DPP6: variants seen among roughly 807,000 people sequenced by gnomAD.
The protein encoded by DPP6 is A-type potassium channel modulatory protein DPP6.
DPP6 carries 69 observed loss-of-function variants against 122.6 expected under a neutral mutation model. That is an observed-to-expected ratio of 0.56 (90% CI 0.46 to 0.69). The LOEUF is 0.69. Ranked by LOEUF, DPP6 falls within the 30% of genes least tolerant of loss-of-function variation. The pLI is 0.00. For missense variants in DPP6, 928 were observed against 1,116.9 expected, an observed-to-expected ratio of 0.83 and a Z score of 2.41; for synonymous variants, 418 against 433.1, an observed-to-expected ratio of 0.97 and a Z score of 0.43.
At chr7:154,734,453 G>A (rs987446582) in intron 8 of DPP6, among the ~76,000 whole-genome samples, 7 of 152,122 alleles carry the variant, frequency 4.6e-5, no homozygotes, top group Non-Finnish European at 7.4e-5. Flanking sequence ...AGATCAAAGT[G>A]GATTTTTACA....
intron 1 of DPP6, chr7:154,026,818 G>A (rs1216130018): frequency 1.3e-5 from 2 of 152,176 alleles, no homozygotes; most frequent in Non-Finnish European, 1.5e-5. Context: ...AGTGGTTCTA[G>A]CCTTTCTGTA....
chr7:154,433,136 G>GTTTTTTTTTTTT lies in DPP6; in HGVS notation c.244-13062_244-13051dup, dbSNP rs548053204. On this transcript the variant is annotated intron_variant, in intron 1 of 25. Transcript: ENST00000377770. Reference sequence around the variant, plus strand: ...TAATGGCTCTCATACTAGACTGCAAGTTTTTTTTTTTTTTTTTTTTTTTTT... The same window carrying GTTTTTTTTTTTT: ...TAATGGCTCTCATACTAGACTGCAAGTTTTTTTTTTTTTTTTTTTTTTTTTTTTTTTTTTTTT... 1.1e-3 allele frequency among the ~76,000 whole-genome samples: 83 copies of GTTTTTTTTTTTT among 72,346 alleles called. 12 individuals carry two copies. Among genetic ancestry groups the GTTTTTTTTTTTT allele is most frequent in the African/African-American group, 4.6e-3 (77 of 16,824 alleles). 47.5% of individuals were successfully genotyped at this position (72,346 alleles called of 152,430 possible).
At chr7:153,935,470 G>C (rs1801390660) in intron 1 of DPP6, among the ~76,000 whole-genome samples, 1 of 152,194 alleles carries the variant, frequency 6.6e-6, no homozygotes, top group African/African-American at 2.4e-5. Flanking sequence ...CTGCCGCACA[G>C]AGTGGAACCT....
chr7:154,743,944 C>A (rs1046545117), intron 8 of DPP6, among the ~76,000 whole-genome samples: 3 of 152,160 alleles, frequency 2.0e-5, no homozygotes, highest in Non-Finnish European at 4.4e-5. Context: ...ATAAGTCGAC[C>A]CACGCAGTTC....
chr7:153,845,395 TATA>T, the DPP6 span, among the ~76,000 whole-genome samples: 2 of 152,028 alleles, frequency 1.3e-5, no homozygotes, highest in African/African-American at 2.4e-5. Flanking sequence ...AATATACTGC[TATA>T]ATAACTCTTT....
chr7:154,889,305 G>A lies in DPP6; in HGVS notation c.2338G>A (p.Glu780Lys). Residue 780 changes from glutamate to lysine, a missense_variant, in exon 24 of 26, where the codon GAA becomes AAA. Transcript: ENST00000377770. Reference protein sequence around the residue: ...TKVAHRVSALEEQQFLIIHPT... With the variant: ...TKVAHRVSALKEQQFLIIHPT... ...GGTAGCCCATCGAGTCTCCGCGCTG[G>A]AAGAACAGCAGTTCCTGATCATTCA... 2 of 1,612,980 alleles carry A rather than the reference G, an allele frequency of 1.2e-6. No homozygotes were observed. The highest frequency in any genetic ancestry group is 1.7e-6 in the Non-Finnish European group (2 of 1,179,712).
At chr7:154,556,426 A>G (rs1244531267) in intron 4 of DPP6, among the ~76,000 whole-genome samples, 1 of 152,208 alleles carries the variant, frequency 6.6e-6, no homozygotes, top group East Asian at 1.9e-4. Flanking sequence ...ATAAACAAGT[A>G]TTTGACATGA....
At chr7:154,132,587 G>T (rs1399743053) in intron 1 of DPP6, among the ~76,000 whole-genome samples, 8 of 152,004 alleles carry the variant, frequency 5.3e-5, no homozygotes, top group Admixed American at 1.3e-4. Flanking sequence ...CCTCATTTCG[G>T]TTCAGTAGTC....
intron 5 of DPP6, chr7:154,588,054 G>T (rs745849297): frequency 1.2e-6 from 2 of 1,608,606 alleles, no homozygotes; most frequent in Admixed American, 3.3e-5. Context: ...GCAGCTACAG[G>T]CAGATTTCGG....
intron 1 of DPP6, among the ~76,000 whole-genome samples, chr7:153,913,840 G>T (rs575016622): frequency 6.6e-6 from 1 of 152,288 alleles, no homozygotes; most frequent in South Asian, 2.1e-4. Flanking sequence ...GGGCTTGGCT[G>T]GTGCTGGATG....
chr7:154,649,593 G>C (rs552144947), intron 6 of DPP6, among the ~76,000 whole-genome samples: 1 of 152,296 alleles, frequency 6.6e-6, no homozygotes, highest in Non-Finnish European at 1.5e-5. Context: ...CCCTGGGGGT[G>C]GTTCCACCTG....
chr7:153,968,078 G>A (rs1795847346), intron 1 of DPP6, among the ~76,000 whole-genome samples: 1 of 150,110 alleles, frequency 6.7e-6, no homozygotes. Flanking sequence ...TATATACCCA[G>A]TAGTGGGATT....
At chr7:153,973,469 G>A (rs1796127936) in intron 1 of DPP6, among the ~76,000 whole-genome samples, 1 of 152,130 alleles carries the variant, frequency 6.6e-6, no homozygotes, top group Non-Finnish European at 1.5e-5. Flanking sequence ...CAAGATTGGG[G>A]AGGAATTCCT....
chr7:154,821,628 G>GTATATATATATA lies in DPP6; in HGVS notation c.1666+14523_1666+14534dup, dbSNP rs71184038. Among the ~76,000 whole-genome samples, 164 of 68,370 alleles carry GTATATATATATA rather than the reference G, an allele frequency of 2.4e-3. No homozygotes were observed. The highest frequency in any genetic ancestry group is 7.9e-3 in the African/African-American group (146 of 18,474). The allele number at this position is 68,370 out of a possible 152,430, so 44.9% of individuals were successfully genotyped here. On this transcript the variant is annotated intron_variant, in intron 16 of 25. Coordinates refer to ENST00000377770, the MANE Select transcript of DPP6 (RefSeq NM_130797.4). This position sits in a 1 kb window ranked among gnomAD's most constrained non-coding sequence, Gnocchi z 4.2. ...ATATATATATATATATTTTTTTTCT[G>GTATATATATATA]TATATATATATATATATACACATAT...
intron 1 of DPP6, among the ~76,000 whole-genome samples, chr7:154,019,613 A>C (rs563929550): frequency 6.6e-6 from 1 of 152,230 alleles, no homozygotes; most frequent in Non-Finnish European, 1.5e-5. Flanking sequence ...CAAGGAGCAC[A>C]TACAAAGCAG....
At chr7:154,032,847 ACCCCATC>A (rs1274641539) in intron 1 of DPP6, among the ~76,000 whole-genome samples, 1 of 129,768 alleles carries the variant, frequency 7.7e-6, no homozygotes, top group African/African-American at 2.9e-5. Flanking sequence ...CCCCCCACCG[ACCCCATC>A]CCCCATCCCC....
chr7:153,828,625 A>G, the DPP6 span, among the ~76,000 whole-genome samples: 3 of 152,218 alleles, frequency 2.0e-5, no homozygotes, highest in Admixed American at 6.5e-5. Context: ...TGCGCAAAAT[A>G]TGGAAATAGG....
At chr7:154,579,071 A>T (rs982549201) in intron 5 of DPP6, among the ~76,000 whole-genome samples, 1 of 152,170 alleles carries the variant, frequency 6.6e-6, no homozygotes, top group Non-Finnish European at 1.5e-5. Context: ...AAAATCTGCC[A>T]GGTGCAGTGG....
intron 1 of DPP6, among the ~76,000 whole-genome samples, chr7:154,315,620 G>C (rs79402837): frequency 0.09 from 13,715 of 152,084 alleles, 1,464 homozygotes; most frequent in African/African-American, 0.26. Context: ...CATCACCTCT[G>C]GGGGGCTGTG....
Sources: allele counts gnomAD v4.1 joint callset (sites outside exome capture counted in the v4.1 genomes callset), GRCh38; gene constraint gnomAD v4.1.1; non-coding constraint Gnocchi (gnomAD v3.1); transcripts MANE v1.5; gene names NCBI Gene and HGNC (gene_info 2026-07-23, HGNC 2026-07-21).